LRRC53: variants seen among roughly 807,000 people sequenced by gnomAD.
LRRC53 encodes leucine-rich repeat-containing protein 53.
In LRRC53, 25 loss-of-function variants were observed where a neutral mutation model predicts 13.6. That is an observed-to-expected ratio of 1.83 (90% CI 1.34 to 2.56). The LOEUF is 2.56. LRRC53 is among the 30% of genes most tolerant of loss of function. The pLI is 0.00. For missense variants in LRRC53, 527 were observed against 275.8 expected, an observed-to-expected ratio of 1.91 and a Z score of -6.45; for synonymous variants, 204 against 109.8, an observed-to-expected ratio of 1.86 and a Z score of -5.37.
At position 74,471,184 on chromosome 1, in the gene LRRC53, T is replaced by C; in HGVS notation, c.2438A>G (p.Asn813Ser). 2 of 400,676 alleles carry C rather than the reference T, an allele frequency of 5.0e-6. No individual in the cohort carries two copies. The highest frequency in any genetic ancestry group is 8.8e-6 in the Non-Finnish European group (2 of 226,170). The allele number at this position is 400,676 out of a possible 1,614,324, so 24.8% of individuals were successfully genotyped here. A position where few individuals can be genotyped will look rare whatever the true frequency, so the allele number is the denominator to read the frequency against. Residue 813 changes from asparagine to serine, a missense_variant, in exon 5 of 5, where the codon AAC becomes AGC. Coordinates refer to ENST00000294635, the MANE Select transcript of LRRC53 (RefSeq NM_001382280.1). ...AGAGCTCTGGTTGACTACACGCAAG[T>C]TGTTAGCACTGAGCAGGGGGGCACG... ...TKRAPLLSAN[N>S]LRVVNQSSIE...
the LRRC53 span, among the ~76,000 whole-genome samples, chr1:74,529,204 G>T: frequency 6.6e-6 from 1 of 152,122 alleles, no homozygotes; most frequent in African/African-American, 2.4e-5. Context: ...ATTTTATAGT[G>T]TAGAAGCCTA....
upstream of LRRC53, among the ~76,000 whole-genome samples, chr1:74,515,766 A>G (rs1019375582): frequency 6.6e-6 from 1 of 152,234 alleles, no homozygotes. Flanking sequence ...TCAAAAAATA[A>G]GTATGATAAA....
chr1:74,509,945 G>T (rs1442128106), intron 1 of LRRC53, among the ~76,000 whole-genome samples: 2 of 151,404 alleles, frequency 1.3e-5, no homozygotes, highest in Admixed American at 6.6e-5. Flanking sequence ...GTAGAGACAG[G>T]GTTTCACCAA....
chr1:74,488,557 A>G (rs930432901), intron 1 of LRRC53, among the ~76,000 whole-genome samples: 2 of 152,240 alleles, frequency 1.3e-5, no homozygotes, highest in Non-Finnish European at 2.9e-5. Flanking sequence ...AATTTTTCCA[A>G]TAATCATTTT....
intron 1 of LRRC53, among the ~76,000 whole-genome samples, chr1:74,488,965 GT>G (rs1259130377): frequency 3.3e-5 from 5 of 152,270 alleles, no homozygotes; most frequent in African/African-American, 1.2e-4. Flanking sequence ...TCTGAATGTA[GT>G]TGCAAATTCT....
upstream of LRRC53, among the ~76,000 whole-genome samples, chr1:74,515,449 T>A (rs1263086582): frequency 6.6e-6 from 1 of 152,196 alleles, no homozygotes; most frequent in Non-Finnish European, 1.5e-5. Context: ...AATTCTAACG[T>A]TTTATCATGC....
chr1:74,503,055 G>A (rs1669715788), intron 1 of LRRC53, among the ~76,000 whole-genome samples: 1 of 152,084 alleles, frequency 6.6e-6, no homozygotes, highest in Non-Finnish European at 1.5e-5. Flanking sequence ...TGTAAAATTA[G>A]GCTCTTCTTT....
chr1:74,524,054 A>T, the LRRC53 span, among the ~76,000 whole-genome samples: 1 of 152,116 alleles, frequency 6.6e-6, no homozygotes, highest in East Asian at 1.9e-4. Flanking sequence ...TTCACCAAAA[A>T]TTGTTTTTGC....
At position 74,507,228 on chromosome 1, in the gene LRRC53, C is replaced by CG. The variant is rs1669952774; in HGVS notation, c.-27+5297_-27+5298insC. On this transcript the variant is annotated intron_variant, in intron 1 of 4. Transcript: ENST00000294635. ...AGCAGTTTTTAAATTTCTTCACCCC[C>CG]CCCCCATCTTTTTAACACAAAAATA... 1.4e-5 allele frequency among the ~76,000 whole-genome samples: 2 copies of CG among 138,636 alleles called. 1 individual carries two copies. The highest frequency in any genetic ancestry group is 5.1e-5 in the African/African-American group (2 of 38,886). 91.0% of individuals were successfully genotyped at this position (138,636 alleles called of 152,430 possible). A position where few individuals can be genotyped will look rare whatever the true frequency, so the allele number is the denominator to read the frequency against.
At chr1:74,533,553 T>C in the LRRC53 span, among the ~76,000 whole-genome samples, 57 of 151,998 alleles carry the variant, frequency 3.8e-4, 1 homozygote, top group African/African-American at 1.2e-3. Context: ...CCAGCCATCC[T>C]ATTACTGGGT....
At chr1:74,482,302 A>C (rs112244813) in intron 2 of LRRC53, among the ~76,000 whole-genome samples, 1 of 152,218 alleles carries the variant, frequency 6.6e-6, no homozygotes, top group Admixed American at 6.5e-5. Context: ...CTTCACAAAT[A>C]TGGTGTTCTG....
At chr1:74,492,562 C>T (rs1669135636) in intron 1 of LRRC53, among the ~76,000 whole-genome samples, 1 of 152,080 alleles carries the variant, frequency 6.6e-6, no homozygotes, top group African/African-American at 2.4e-5. Flanking sequence ...TTATGGCATC[C>T]AAGCAAGAAT....
chr1:74,517,504 A>T (rs554540726), upstream of LRRC53, among the ~76,000 whole-genome samples: 1 of 152,334 alleles, frequency 6.6e-6, no homozygotes, highest in East Asian at 1.9e-4. Flanking sequence ...GCATGTAGAA[A>T]GCATTTAGAA....
At chr1:74,501,814 T>C (rs981383101) in intron 1 of LRRC53, among the ~76,000 whole-genome samples, 1 of 152,040 alleles carries the variant, frequency 6.6e-6, no homozygotes, top group Non-Finnish European at 1.5e-5. Flanking sequence ...AGAACACGTG[T>C]AGTAATAATT....
At chr1:74,484,444 A>G (rs1163771639) in intron 1 of LRRC53, among the ~76,000 whole-genome samples, 2 of 152,220 alleles carry the variant, frequency 1.3e-5, no homozygotes, top group East Asian at 3.8e-4. Flanking sequence ...AAAAGGATAT[A>G]AACAATAAAC....
At chr1:74,507,903 C>T (rs1267780752) in intron 1 of LRRC53, among the ~76,000 whole-genome samples, 2 of 152,190 alleles carry the variant, frequency 1.3e-5, no homozygotes, top group Admixed American at 1.3e-4. Flanking sequence ...ATTCAACAAA[C>T]ATTTGCAGAG....
At chr1:74,522,511 G>A in the LRRC53 span, among the ~76,000 whole-genome samples, 3 of 152,062 alleles carry the variant, frequency 2.0e-5, no homozygotes, top group East Asian at 1.9e-4. Context: ...TTCTCCCCAC[G>A]CAGTATAGAA....
At chr1:74,535,963 T>C in the LRRC53 span, among the ~76,000 whole-genome samples, 2 of 152,146 alleles carry the variant, frequency 1.3e-5, no homozygotes, top group Non-Finnish European at 2.9e-5. Context: ...ATCAAAAAAA[T>C]AATAAAGTAA....
chr1:74,486,046 A>C (rs1668741964), intron 1 of LRRC53, among the ~76,000 whole-genome samples: 1 of 152,180 alleles, frequency 6.6e-6, no homozygotes, highest in Non-Finnish European at 1.5e-5. Context: ...CATTGTTTTA[A>C]ATCACTAGGT....
Sources: allele counts gnomAD v4.1 joint callset (sites outside exome capture counted in the v4.1 genomes callset), GRCh38; gene constraint gnomAD v4.1.1; transcripts MANE v1.5; gene names NCBI Gene and HGNC (gene_info 2026-07-23, HGNC 2026-07-21).